SFTPB: variants seen among roughly 807,000 people sequenced by gnomAD.
SFTPB encodes the protein pulmonary surfactant-associated protein B.
SFTPB carries 32 observed loss-of-function variants against 51.0 expected under a neutral mutation model. The ratio of observed to expected loss-of-function variants is 0.63; its 90% confidence interval spans 0.47 to 0.84. The LOEUF (loss-of-function observed/expected upper bound fraction) is 0.84, where lower values mean the gene tolerates loss of function less well. Ranked by LOEUF, SFTPB falls within the 40% of genes least tolerant of loss-of-function variation. The probability of loss-of-function intolerance (pLI) is 0.00; values close to 1 mark genes in which losing one functional copy is unlikely to be tolerated. For missense variants in SFTPB, 431 were observed against 491.2 expected (o/e 0.88, Z 1.16); for synonymous variants, 211 against 208.5 (o/e 1.01, Z -0.10).
intron 8 of SFTPB, chr2:85,662,373 C>T (rs1677351027): frequency 9.2e-7 from 1 of 1,085,196 alleles, no homozygotes. Flanking sequence ...CCTCCCCTCC[C>T]TCCACCTCCA....
chr2:85,667,237 A>G (rs1335534125), intron 2 of SFTPB, 60 bp from the exon 3 acceptor site: 16 of 1,279,958 alleles, frequency 1.3e-5, no homozygotes, highest in Middle Eastern at 1.9e-4. Flanking sequence ...CCCAGCTCCA[A>G]TGGGGAGGTT....
chr2:85,662,206 C>T, intron 8 of SFTPB, 97 bp from the exon 9 acceptor site: 1 of 1,543,132 alleles, frequency 6.5e-7, no homozygotes, highest in Non-Finnish European at 8.8e-7. Flanking sequence ...CTCTAGGGCT[C>T]CCTCCCGACT....
intron 4 of SFTPB, among the ~76,000 whole-genome samples, chr2:85,666,369 G>A (rs1320490845): frequency 2.2e-5 from 3 of 135,332 alleles, no homozygotes; most frequent in African/African-American, 5.4e-5. Context: ...CTGTGTGTGT[G>A]TGTGTCCGGC....
At chr2:85,660,122 CT>C (rs34073715) in intron 10 of SFTPB, among the ~76,000 whole-genome samples, 185 of 135,156 alleles carry the variant, frequency 1.4e-3, no homozygotes, top group South Asian at 0.011. Flanking sequence ...GCACCCACTA[CT>C]TTTTTTTTTT....
upstream of SFTPB, among the ~76,000 whole-genome samples, chr2:85,668,450 A>C (rs1677765792): frequency 6.6e-6 from 1 of 152,092 alleles, no homozygotes; most frequent in African/African-American, 2.4e-5. Flanking sequence ...AGGGGCTCTC[A>C]AGCCTCCATA....
At position 85,661,260 on chromosome 2, in the gene SFTPB, CG is replaced by C. The variant is rs3024833; in HGVS notation, c.*19+193del. 7.7e-3 allele frequency: 3,815 copies of C among 494,602 alleles called. 30 individuals carry two copies. The highest frequency in any genetic ancestry group is 0.016 in the Middle Eastern group (27 of 1,722). The allele number at this position is 494,602 out of a possible 1,614,324, so 30.6% of individuals were successfully genotyped here. On this transcript the variant is annotated intron_variant, in intron 10 of 10. Transcript: ENST00000519937. ...CTGGGGTTCTGGGCGGGGCAGTGCT[CG>C]GGGTCCGGAAAGGGTGTTTTCCTGA...
intron 3 of SFTPB, 151 bp from the exon 4 acceptor site, chr2:85,666,893 T>C: frequency 2.7e-6 from 3 of 1,094,770 alleles, no homozygotes; most frequent in Non-Finnish European, 4.1e-6. Context: ...GTTGGGCACA[T>C]GTAGGGGCCC....
At chr2:85,666,770 G>A (rs1242990891) in intron 3 of SFTPB, 28 bp from the exon 4 acceptor site, 25 of 1,613,350 alleles carry the variant, frequency 1.5e-5, no homozygotes, top group Non-Finnish European at 1.9e-5. Flanking sequence ...GCCGTCAGCT[G>A]GGCCTCTCTG....
In SFTPB at chr2:85,665,384, G is replaced by T. The variant is rs1677519673; in HGVS notation, c.583-6C>A. On this transcript the variant is annotated splice_polypyrimidine_tract_variant and splice_region_variant and intron_variant, in intron 5 of 10. Transcript: ENST00000519937. ...AATTGCTGCTCGGAGAGATCCTGGG[G>T]AAAGAATCAGGTGGAGGCCAGGCTG... is the stretch of plus-strand genomic sequence containing the variant. 1.2e-6 allele frequency: 2 copies of T among 1,612,648 alleles called. No homozygotes were observed. Among genetic ancestry groups the T allele is most frequent in the Non-Finnish European group, 1.7e-6 (2 of 1,178,680 alleles).
chr2:85,663,922 T>A, intron 6 of SFTPB, 75 bp from the exon 7 acceptor site: 1 of 1,408,086 alleles, frequency 7.1e-7, no homozygotes. Flanking sequence ...AGCACCCAGC[T>A]GGGCACTTCC....
chr2:85,665,160 C>G, intron 6 of SFTPB, 129 bp downstream of exon 6: 1 of 799,348 alleles, frequency 1.3e-6, no homozygotes, highest in Admixed American at 1.7e-5. Context: ...ACAAGCGGCT[C>G]TCTCCCCTCC....
upstream of SFTPB, chr2:85,668,234 G>A: frequency 6.5e-7 from 1 of 1,534,260 alleles, no homozygotes; most frequent in Non-Finnish European, 8.8e-7. Context: ...CCTTATAGCT[G>A]GGCGGGGCGT....
At chr2:85,666,214 G>GCT (rs750415178) in intron 4 of SFTPB, among the ~76,000 whole-genome samples, 20,373 of 103,526 alleles carry the variant, frequency 0.2, 2,007 homozygotes, top group East Asian at 0.35. Context: ...CTGTGTGTGT[G>GCT]CTGTGTGTGT....
chr2:85,666,522 T>TCCGG, intron 4 of SFTPB, 95 bp downstream of exon 4: 2 of 1,246,724 alleles, frequency 1.6e-6, no homozygotes, highest in African/African-American at 1.5e-5. Context: ...TGTGTGTGTG[T>TCCGG]CTGGCTGGCT....
At chr2:85,664,420 G>A (rs532242962) in intron 6 of SFTPB, among the ~76,000 whole-genome samples, 5 of 152,068 alleles carry the variant, frequency 3.3e-5, no homozygotes, top group South Asian at 4.2e-4. Flanking sequence ...CCTCAGCTCC[G>A]TCCCTGTCCC....
Position 85,666,745 on chromosome 2 carries a change from G to A in SFTPB, c.268-3C>T, listed in dbSNP as rs749618386. On this transcript the variant is annotated splice_polypyrimidine_tract_variant and splice_region_variant and intron_variant, in intron 3 of 10. Coordinates refer to ENST00000519937, the MANE Select transcript of SFTPB (RefSeq NM_000542.5). Reference sequence around the variant, plus strand: ...TCCAGGAACTTCCTCATCGTGTCCTGGGAGGCCAGAGGGGGCCGTCAGCTG... The same window carrying A: ...TCCAGGAACTTCCTCATCGTGTCCTAGGAGGCCAGAGGGGGCCGTCAGCTG... 1.2e-6 allele frequency: 2 copies of A among 1,613,754 alleles called. No individual in the cohort carries two copies. The highest frequency in any genetic ancestry group is 1.7e-5 in the Admixed American group (1 of 60,010).
Position 85,666,762 on chromosome 2 carries a change from C to G in SFTPB, c.268-20G>C, listed in dbSNP as rs3024799. On this transcript the variant is annotated intron_variant, in intron 3 of 10. Coordinates refer to ENST00000519937, the MANE Select transcript of SFTPB (RefSeq NM_000542.5). ...CGTGTCCTGGGAGGCCAGAGGGGGC[C>G]GTCAGCTGGGCCTCTCTGAGGTCTA... 3,040 of 1,613,476 alleles carry G rather than the reference C, an allele frequency of 1.9e-3. 58 individuals are homozygous for G. The African/African-American group carries it at 0.036, about 19-fold the overall frequency.
rs933958937 is a variant in SFTPB, at chr2:85,657,414, A to G, written c.*2288T>C. 2.0e-5 allele frequency: 3 copies of G among 152,178 alleles called. No individual in the cohort carries two copies. The highest frequency in any genetic ancestry group is 4.4e-5 in the Non-Finnish European group (3 of 68,028). 9.4% of individuals were successfully genotyped at this position (152,178 alleles called of 1,614,324 possible). The stretch of plus-strand genomic sequence containing the variant: ...TAATGGAAACAATGGCTTTAAGGAC[A>G]GTAGTTAGCTATAGATTTACAAATG... On this transcript the variant is annotated 3_prime_UTR_variant, in exon 11 of 11. Transcript: ENST00000519937.
intron 1 of SFTPB, 22 bp downstream of exon 1, chr2:85,668,095 G>T: frequency 1.1e-5 from 17 of 1,532,386 alleles, no homozygotes; most frequent in African/African-American, 5.5e-5. Context: ...GCCTAGGAGA[G>T]GGGAGGCTGG....
Sources: allele counts gnomAD v4.1 joint callset (sites outside exome capture counted in the v4.1 genomes callset), GRCh38; gene constraint gnomAD v4.1.1; transcripts MANE v1.5; gene names NCBI Gene and HGNC (gene_info 2026-07-23, HGNC 2026-07-21).